KMT2E: variants seen among roughly 807,000 people sequenced by gnomAD.
KMT2E encodes histone reader KMT2E.
KMT2E carries 30 observed loss-of-function variants against 184.6 expected under a neutral mutation model. The ratio of observed to expected loss-of-function variants is 0.16; its 90% CI spans 0.12 to 0.22. The LOEUF (loss-of-function observed/expected upper bound fraction) is 0.22. KMT2E is among the 10% of genes least tolerant of loss of function. KMT2E has a pLI of 1.00. For synonymous variants in KMT2E, 815 were observed against 776.5 expected, an observed-to-expected ratio of 1.05 and a Z score of -0.82; for missense variants, 2,023 against 2,237.4, an observed-to-expected ratio of 0.90 and a Z score of 1.93.
At chr7:105,020,123 GTAAA>G (rs1296126916) in intron 1 of KMT2E, among the ~76,000 whole-genome samples, 2 of 148,544 alleles carry the variant, frequency 1.3e-5, no homozygotes, top group Non-Finnish European at 3.0e-5. Flanking sequence ...AAAAAAAAAA[GTAAA>G]TAAGTAAATT....
intron 15 of KMT2E, chr7:105,091,713 A>G (rs1199700750): frequency 4.3e-6 from 1 of 231,446 alleles, no homozygotes; most frequent in Non-Finnish European, 8.3e-6. Context: ...TAAATTGCTT[A>G]TGCAAAAAAA....
At chr7:105,110,226 T>C in intron 23 of KMT2E, 54 bp from the exon 24 acceptor site, 2 of 1,371,206 alleles carry the variant, frequency 1.5e-6, no homozygotes, top group South Asian at 1.2e-5. Flanking sequence ...GAAGCAACAA[T>C]GTAACTAGCA....
intron 3 of KMT2E, among the ~76,000 whole-genome samples, chr7:105,055,579 A>G (rs1292911347): frequency 1.3e-5 from 2 of 152,226 alleles, no homozygotes; most frequent in Admixed American, 6.5e-5. Flanking sequence ...ATCTTTAAAC[A>G]TTCTGGTTCA....
chr7:105,055,921 T>A (rs896694277), intron 3 of KMT2E, among the ~76,000 whole-genome samples: 1 of 152,230 alleles, frequency 6.6e-6, no homozygotes, highest in African/African-American at 2.4e-5. Flanking sequence ...ACTTTTTTTT[T>A]TTTTTATTTC....
At chr7:105,086,087 AT>A (rs1584777417) in intron 13 of KMT2E, among the ~76,000 whole-genome samples, 2 of 151,898 alleles carry the variant, frequency 1.3e-5, no homozygotes, top group African/African-American at 4.8e-5. Flanking sequence ...ATTCTTTAGC[AT>A]TTTTTTCACA....
intron 5 of KMT2E, chr7:105,064,041 C>T (rs1009030221): frequency 2.2e-6 from 1 of 454,198 alleles, no homozygotes; most frequent in Non-Finnish European, 4.4e-6. Context: ...TCTGGAGTCT[C>T]CTTGAACCAG....
chr7:105,060,887 G>C (rs1796788849), intron 3 of KMT2E, among the ~76,000 whole-genome samples: 3 of 152,132 alleles, frequency 2.0e-5, no homozygotes, highest in African/African-American at 7.2e-5. Flanking sequence ...ATTTAGCCTA[G>C]GTGTATAGTA....
chr7:105,101,664 T>C (rs142450104), intron 16 of KMT2E, 75 bp downstream of exon 16: 53 of 1,237,260 alleles, frequency 4.3e-5, no homozygotes, highest in Non-Finnish European at 5.3e-5. Context: ...TAATTACTTA[T>C]AAGGAATTTA....
Position 105,048,370 on chromosome 7 carries a change from T to G in KMT2E, c.71+7347T>G, listed in dbSNP as rs78863296. Among the ~76,000 whole-genome samples, 458 of 152,238 alleles carry G rather than the reference T, an allele frequency of 3.0e-3. 15 individuals are homozygous for G. In the East Asian group the frequency reaches 0.062, roughly 21 times the overall value. ...CATTTTTTAACACCAGGAAATCTCA[T>G]GATAATTTTATTCAGCCAAATGAAG... On this transcript the variant is annotated intron_variant, in intron 3 of 26. Coordinates refer to ENST00000311117, the MANE Select transcript of KMT2E (RefSeq NM_182931.3).
At chr7:105,082,167 CAAAA>C in intron 13 of KMT2E, among the ~76,000 whole-genome samples, 1 of 152,062 alleles carries the variant, frequency 6.6e-6, no homozygotes, top group South Asian at 2.1e-4. Context: ...TTTTGCCCCT[CAAAA>C]CAAAAGAAAA....
chr7:105,040,445 A>G (rs1352402196), intron 2 of KMT2E, among the ~76,000 whole-genome samples: 1 of 152,226 alleles, frequency 6.6e-6, no homozygotes, highest in Non-Finnish European at 1.5e-5. Flanking sequence ...CATCCATGTA[A>G]AAAGCTGATT....
intron 13 of KMT2E, among the ~76,000 whole-genome samples, chr7:105,086,341 GT>G (rs1276098951): frequency 6.6e-6 from 1 of 152,170 alleles, no homozygotes; most frequent in Non-Finnish European, 1.5e-5. Flanking sequence ...CACAGCATGA[GT>G]TTTTGCCAGA....
At position 105,027,526 on chromosome 7, in the gene KMT2E, CAT is replaced by C. The variant is rs148447367; in HGVS notation, c.-188-10599_-188-10598del. On this transcript the variant is annotated intron_variant, in intron 1 of 26. Coordinates refer to ENST00000311117, the MANE Select transcript of KMT2E (RefSeq NM_182931.3). ...TTCAAGGCAGGCTACTCTAAAAGCT[CAT>C]GTGTGTTTGCATACTGAGTATTTTT... Among the ~76,000 whole-genome samples, 1,271 of 152,272 alleles carry C rather than the reference CAT, an allele frequency of 8.3e-3. 16 individuals are homozygous for C. The highest frequency in any genetic ancestry group is 0.029 in the African/African-American group (1,217 of 41,540).
At chr7:105,108,906 TA>T in intron 22 of KMT2E, 35 bp from the exon 23 acceptor site, 1 of 1,538,050 alleles carries the variant, frequency 6.5e-7, no homozygotes, top group Non-Finnish European at 8.8e-7. Flanking sequence ...AAAACAAGAA[TA>T]AAAGATTTGC....
Position 105,107,904 on chromosome 7 carries a change from G to C in KMT2E, c.3447G>C (p.Gln1149His), listed in dbSNP as rs769635084. The C allele has an allele frequency of 4.4e-6, 7 of 1,602,936 alleles. No homozygotes were observed. The highest frequency in any genetic ancestry group is 3.4e-5 in the Admixed American group (2 of 58,276). ...TGATCGACGGGAATTGCACACCCCAGAATCCACCACAAAAGAAAAAGGTTA... is the reference window on the plus strand; with the variant it reads ...TGATCGACGGGAATTGCACACCCCACAATCCACCACAAAAGAAAAAGGTTA... ...DNLIDGNCTPQNPPQKKKVSL... is the reference protein window; with the variant it reads ...DNLIDGNCTPHNPPQKKKVSL... The change falls in exon 22 of 27, where the codon CAG (glutamine) becomes CAC (histidine). Residue 1149 changes from glutamine (Q) to histidine (H), a missense_variant. By Grantham distance (24) the Gln-to-His change is conservative. Around this residue, in one of 8 missense-constraint regions of KMT2E, gnomAD observed 1,108 missense variants for 1,050.9 expected, o/e 1.05. Coordinates refer to ENST00000311117, the MANE Select transcript of KMT2E (RefSeq NM_182931.3).
At chr7:105,042,653 T>C (rs900242881) in intron 3 of KMT2E, among the ~76,000 whole-genome samples, 3 of 152,204 alleles carry the variant, frequency 2.0e-5, no homozygotes, top group African/African-American at 7.2e-5. Flanking sequence ...ATTTAGTTAA[T>C]AGAGGAGTAA....
chr7:105,095,235 G>C (rs1252795807), intron 15 of KMT2E, among the ~76,000 whole-genome samples: 1 of 152,064 alleles, frequency 6.6e-6, no homozygotes, highest in African/African-American at 2.4e-5. Flanking sequence ...AGATCAGATT[G>C]TCTCATGAAC....
chr7:105,087,130 T>C (rs1157987259), intron 13 of KMT2E, among the ~76,000 whole-genome samples: 1 of 147,486 alleles, frequency 6.8e-6, no homozygotes, highest in African/African-American at 2.5e-5. Flanking sequence ...TATGTGCTAA[T>C]GTATATTATA....
At chr7:105,070,011 G>A (rs1797216384) in intron 6 of KMT2E, among the ~76,000 whole-genome samples, 1 of 152,080 alleles carries the variant, frequency 6.6e-6, no homozygotes. Context: ...GATGTATCAT[G>A]ATTTTGTTTC....
Sources: allele counts gnomAD v4.1 joint callset (sites outside exome capture counted in the v4.1 genomes callset), GRCh38; gene constraint gnomAD v4.1.1; regional missense constraint gnomAD v4.1.1; transcripts MANE v1.5; gene names NCBI Gene and HGNC (gene_info 2026-07-23, HGNC 2026-07-21).